The following CCDC178 variants were observed in gnomAD, a reference collection of about 807,000 sequenced individuals.
CCDC178 encodes coiled-coil domain containing 178, also known as coiled-coil domain-containing protein 178.
CCDC178 carries 126 observed loss-of-function variants against 117.4 expected under a neutral mutation model. The ratio of observed to expected loss-of-function variants is 1.07; its 90% CI spans 0.93 to 1.24. The LOEUF is 1.24. Among genes scored for constraint, CCDC178 ranks in the 50% most tolerant of loss-of-function variants. The pLI, the probability that CCDC178 is intolerant of heterozygous loss-of-function variation, is 0.00. For synonymous variants in CCDC178, 283 were observed against 313.4 expected (o/e 0.90, Z 1.02); for missense variants, 1,030 against 986.9 (o/e 1.04, Z -0.59).
chr18:32,953,855 G>T (rs995452344), intron 22 of CCDC178, among the ~76,000 whole-genome samples: 1 of 152,048 alleles, frequency 6.6e-6, no homozygotes, highest in Admixed American at 6.5e-5. Flanking sequence ...ATGAATAAGG[G>T]CAAAATGATA....
chr18:33,324,047 T>C (rs560297521), intron 10 of CCDC178, among the ~76,000 whole-genome samples: 3 of 151,984 alleles, frequency 2.0e-5, no homozygotes, highest in African/African-American at 7.2e-5. Context: ...ATTAAAAGTA[T>C]GCACCAACCT....
Position 33,277,431 on chromosome 18 carries a change from T to G in CCDC178, c.1177-10134A>C, listed in dbSNP as rs1157050619. Among the ~76,000 whole-genome samples the G allele has an allele frequency of 2.0e-5, 3 of 152,150 alleles. No homozygotes were observed. The East Asian group carries it at 5.8e-4, about 29-fold the overall frequency. ...AAAATGCTCCTGACACAAAATGTCATTGAACAATTGGAATAGTATCATCTT... is the reference window on the plus strand; with the variant it reads ...AAAATGCTCCTGACACAAAATGTCAGTGAACAATTGGAATAGTATCATCTT... On this transcript the variant is annotated intron_variant, in intron 12 of 22. Transcript: ENST00000383096.
At chr18:33,014,980 G>A (rs1277794201) in intron 21 of CCDC178, among the ~76,000 whole-genome samples, 1 of 152,202 alleles carries the variant, frequency 6.6e-6, no homozygotes, top group Non-Finnish European at 1.5e-5. Context: ...AAGAGGCTGG[G>A]TGTGGTGGCT....
intron 4 of CCDC178, among the ~76,000 whole-genome samples, chr18:33,391,526 G>A (rs571878685): frequency 4.1e-4 from 63 of 152,198 alleles, no homozygotes; most frequent in African/African-American, 1.4e-3. Context: ...AAGTAGGTAT[G>A]TTAGACAACA....
chr18:33,151,520 A>T (rs557989059), intron 20 of CCDC178, among the ~76,000 whole-genome samples: 1 of 145,852 alleles, frequency 6.9e-6, no homozygotes, highest in Admixed American at 6.7e-5. Context: ...AAGAGAAAAG[A>T]GTTCTAAAAA....
intron 11 of CCDC178, among the ~76,000 whole-genome samples, chr18:33,318,902 C>A (rs2062460638): frequency 1.3e-5 from 2 of 151,842 alleles, no homozygotes; most frequent in South Asian, 2.1e-4. Context: ...ATATGAAGGT[C>A]AACTAAGAAT....
intron 21 of CCDC178, among the ~76,000 whole-genome samples, chr18:33,026,146 T>C (rs1741745403): frequency 6.6e-6 from 1 of 152,100 alleles, no homozygotes; most frequent in Admixed American, 6.6e-5. Context: ...TTATATGACA[T>C]TCTTGAAATG....
At chr18:33,309,034 T>A (rs2062298533) in intron 11 of CCDC178, among the ~76,000 whole-genome samples, 1 of 152,164 alleles carries the variant, frequency 6.6e-6, no homozygotes, top group Non-Finnish European at 1.5e-5. Context: ...AAAACAAAAA[T>A]TTTAAAAAGC....
At chr18:33,049,605 G>C (rs933243774) in intron 21 of CCDC178, among the ~76,000 whole-genome samples, 6 of 152,074 alleles carry the variant, frequency 3.9e-5, no homozygotes, top group African/African-American at 1.4e-4. Flanking sequence ...TGAATATGCT[G>C]GAAGTTTCAG....
At chr18:32,994,621 G>A (rs1264353085) in intron 21 of CCDC178, among the ~76,000 whole-genome samples, 2 of 152,116 alleles carry the variant, frequency 1.3e-5, no homozygotes, top group African/African-American at 4.8e-5. Context: ...GAACAGAAAA[G>A]CCTCCAAGAC....
At chr18:33,159,370 A>G (rs896639896) in intron 20 of CCDC178, among the ~76,000 whole-genome samples, 1 of 152,094 alleles carries the variant, frequency 6.6e-6, no homozygotes, top group Non-Finnish European at 1.5e-5. Flanking sequence ...AACTACCACA[A>G]AGTAAGTGGC....
chr18:33,394,540 T>C (rs1472525783), intron 4 of CCDC178, among the ~76,000 whole-genome samples: 1 of 151,928 alleles, frequency 6.6e-6, no homozygotes, highest in Non-Finnish European at 1.5e-5. Context: ...AAATAACATA[T>C]TACTTAAGAA....
At chr18:33,390,180 G>A (rs1185230948) in intron 4 of CCDC178, among the ~76,000 whole-genome samples, 1 of 151,416 alleles carries the variant, frequency 6.6e-6, no homozygotes, top group Non-Finnish European at 1.5e-5. Context: ...TTTTTAGAAA[G>A]AGAAAATGTA....
At chr18:33,298,040 GAAAA>G (rs71159811) in intron 11 of CCDC178, among the ~76,000 whole-genome samples, 1 of 142,390 alleles carries the variant, frequency 7.0e-6, no homozygotes. Flanking sequence ...GACTCTGTCT[GAAAA>G]AAAAAAAAAG....
chr18:33,306,933 T>C (rs2062263891), intron 11 of CCDC178, among the ~76,000 whole-genome samples: 1 of 152,214 alleles, frequency 6.6e-6, no homozygotes, highest in South Asian at 2.1e-4. Flanking sequence ...TTCTCCTTCC[T>C]GTCACCATGT....
chr18:33,014,327 C>A (rs2055934871), intron 21 of CCDC178, among the ~76,000 whole-genome samples: 1 of 152,142 alleles, frequency 6.6e-6, no homozygotes, highest in Non-Finnish European at 1.5e-5. Context: ...ATGCTTAGAG[C>A]GTTTGTTTAG....
intron 3 of CCDC178, among the ~76,000 whole-genome samples, chr18:33,405,155 T>C (rs1186773879): frequency 1.3e-5 from 2 of 151,978 alleles, no homozygotes; most frequent in African/African-American, 4.8e-5. Flanking sequence ...ACTTAGCATA[T>C]ATGCCAAAAT....
intron 20 of CCDC178, among the ~76,000 whole-genome samples, chr18:33,183,564 A>T (rs2058755731): frequency 6.6e-6 from 1 of 152,038 alleles, no homozygotes; most frequent in Non-Finnish European, 1.5e-5. Context: ...ATGTTGCCAA[A>T]GTACCCTGGT....
chr18:32,988,837 C>T (rs940554227), intron 21 of CCDC178, among the ~76,000 whole-genome samples: 1 of 151,840 alleles, frequency 6.6e-6, no homozygotes, highest in Admixed American at 6.6e-5. Context: ...TAAGATAATA[C>T]TATGAGTAAT....
Sources: gnomAD v4.1 joint callset for allele counts (sites outside exome capture counted in the v4.1 genomes callset) on GRCh38, gnomAD v4.1.1 for gene constraint, MANE v1.5 for transcripts, NCBI Gene and HGNC (gene_info 2026-07-23, HGNC 2026-07-21) for gene names.